The following MINDY2 variants were observed in gnomAD, a reference collection of about 807,000 sequenced individuals.
MINDY2 encodes the protein MINDY lysine 48 deubiquitinase 2, also known as ubiquitin carboxyl-terminal hydrolase MINDY-2.
Under a neutral mutation model 68.2 loss-of-function variants are expected in MINDY2, and 52 were observed. That is an observed-to-expected ratio of 0.76 (90% CI 0.61 to 0.96). The LOEUF is 0.96. Among genes scored for constraint, MINDY2 ranks in the 40% least tolerant of loss-of-function variants. The pLI, the probability that MINDY2 is intolerant of heterozygous loss-of-function variation, is 0.00. For synonymous variants in MINDY2, 372 were observed against 303.0 expected (o/e 1.23, Z -2.36); for missense variants, 881 against 773.4 (o/e 1.14, Z -1.65).
At chr15:58,831,969 T>G (rs1206093430) in intron 6 of MINDY2, 53 bp downstream of exon 6, 7 of 1,515,236 alleles carry the variant, frequency 4.6e-6, no homozygotes, top group Non-Finnish European at 6.2e-6. Context: ...AGGAGCTTGA[T>G]TTAGAGTTGT....
Position 58,859,160 on chromosome 15 carries a change from A to T in MINDY2, c.*4550A>T, listed in dbSNP as rs1419936481. The T allele has an allele frequency of 6.6e-6, 1 of 152,096 alleles. No homozygotes were observed. Among genetic ancestry groups the T allele is most frequent in the Non-Finnish European group, 1.5e-5 (1 of 67,982 alleles). The allele number at this position is 152,096 out of a possible 1,614,324, so 9.4% of individuals were successfully genotyped here. A position where few individuals can be genotyped will look rare whatever the true frequency, so the allele number is the denominator to read the frequency against. On this transcript the variant is annotated 3_prime_UTR_variant, in exon 9 of 9. Coordinates refer to ENST00000559228, the MANE Select transcript of MINDY2 (RefSeq NM_001040450.3). ...TGATCTCTTCCCAAATGCATTTTAC[A>T]GTTTTTTGTGTGTTCTATAGACTAT...
Position 58,861,087 on chromosome 15 carries a change from T to A in MINDY2, c.*6477T>A, listed in dbSNP as rs1471636687. ...AACTTCAGAGGTACCCTGAAAGTCA[T>A]TTCCTAAAGCTAGTGCGTGTGAATC... On this transcript the variant is annotated 3_prime_UTR_variant, in exon 9 of 9. Coordinates refer to ENST00000559228, the MANE Select transcript of MINDY2 (RefSeq NM_001040450.3). 1 of 152,228 alleles carries A rather than the reference T, an allele frequency of 6.6e-6. No homozygotes were observed. The highest frequency in any genetic ancestry group is 1.5e-5 in the Non-Finnish European group (1 of 68,040). The allele number at this position is 152,228 out of a possible 1,614,324, so 9.4% of individuals were successfully genotyped here. A position where few individuals can be genotyped will look rare whatever the true frequency, so the allele number is the denominator to read the frequency against.
chr15:58,844,719 C>T (rs1178220876), intron 6 of MINDY2, among the ~76,000 whole-genome samples: 1 of 151,524 alleles, frequency 6.6e-6, no homozygotes, highest in Non-Finnish European at 1.5e-5. Flanking sequence ...GAGTTCGAGA[C>T]CAGCCTGGCC....
At position 58,802,611 on chromosome 15, in the gene MINDY2, T is replaced by C. The variant is rs535276846; in HGVS notation, c.963+234T>C. On this transcript the variant is annotated intron_variant, in intron 3 of 8. Coordinates refer to ENST00000559228, the MANE Select transcript of MINDY2 (RefSeq NM_001040450.3). ...GCCAGATTTTTCCTTTTTTTCTCAT[T>C]TTTTTCTCAGTATTTTTCCTTTTTT... Among the ~76,000 whole-genome samples the C allele has an allele frequency of 8.5e-5, 13 of 152,282 alleles. No homozygotes were observed. In the East Asian group the frequency reaches 2.5e-3, roughly 29 times the overall value.
At chr15:58,799,240 T>C (rs1902476731) in intron 2 of MINDY2, among the ~76,000 whole-genome samples, 1 of 152,212 alleles carries the variant, frequency 6.6e-6, no homozygotes. Context: ...GATTACTCCA[T>C]TTCTCTGGAG....
At chr15:58,796,431 T>C (rs1229188999) in intron 2 of MINDY2, among the ~76,000 whole-genome samples, 1 of 152,220 alleles carries the variant, frequency 6.6e-6, no homozygotes. Flanking sequence ...CAAGACAGTC[T>C]TGTGAGCCAG....
At chr15:58,848,466 G>T (rs1421755564) in intron 7 of MINDY2, among the ~76,000 whole-genome samples, 2 of 152,116 alleles carry the variant, frequency 1.3e-5, no homozygotes, top group African/African-American at 4.8e-5. Context: ...TTAATTCTCC[G>T]GGTGCGGTGG....
chr15:58,820,654 C>T (rs1291382622), intron 4 of MINDY2, among the ~76,000 whole-genome samples: 3 of 152,044 alleles, frequency 2.0e-5, no homozygotes, highest in Non-Finnish European at 4.4e-5. Flanking sequence ...CGCTATGCAT[C>T]GGAATCACCT....
chr15:58,849,933 C>T (rs996099921), intron 7 of MINDY2, among the ~76,000 whole-genome samples: 2 of 152,044 alleles, frequency 1.3e-5, no homozygotes, highest in South Asian at 2.1e-4. Flanking sequence ...GGCAGGGTTT[C>T]GCCATGTTAC....
At chr15:58,834,628 A>T (rs1792049688) in intron 6 of MINDY2, among the ~76,000 whole-genome samples, 1 of 152,106 alleles carries the variant, frequency 6.6e-6, no homozygotes, top group Admixed American at 6.6e-5. Flanking sequence ...TCTAGCTGTT[A>T]TTGGCTACAT....
chr15:58,821,572 T>A, intron 4 of MINDY2, 145 bp from the exon 5 acceptor site: 3 of 334,628 alleles, frequency 9.0e-6, no homozygotes, highest in Admixed American at 5.1e-5. Flanking sequence ...TGTTGGGTGT[T>A]GATTTTAGTG....
intron 2 of MINDY2, chr15:58,795,943 A>T (rs1450119371): frequency 5.6e-6 from 2 of 360,020 alleles, no homozygotes; most frequent in Non-Finnish European, 1.1e-5. Flanking sequence ...AAGTCAAGAG[A>T]GGGTGAAGAT....
chr15:58,837,968 C>CAAAAAAAAAAAAAAAAAAAAAAAAAA (rs34909401), intron 6 of MINDY2, among the ~76,000 whole-genome samples: 1 of 75,124 alleles, frequency 1.3e-5, no homozygotes, highest in Non-Finnish European at 2.8e-5. Context: ...GACCTTCTTT[C>CAAAAAAAAAAAAAAAAAAAAAAAAAA]AAAAAAAAAA....
At chr15:58,813,935 T>C (rs1485564596) in intron 4 of MINDY2, among the ~76,000 whole-genome samples, 2 of 150,184 alleles carry the variant, frequency 1.3e-5, no homozygotes, top group Non-Finnish European at 1.5e-5. Flanking sequence ...GCATTTCTTT[T>C]TTTTTTTTTT....
At chr15:58,774,492 G>GAA (rs11385535) in intron 1 of MINDY2, among the ~76,000 whole-genome samples, 953 of 92,820 alleles carry the variant, frequency 0.01, 11 homozygotes, top group African/African-American at 0.029. Context: ...CCCAAAAAAA[G>GAA]AAAAAAAAAA....
Position 58,785,297 on chromosome 15 carries a change from A to G in MINDY2, c.841-2609A>G, listed in dbSNP as rs750385991. On this transcript the variant is annotated intron_variant, in intron 1 of 8. Transcript: ENST00000559228. ...AGTACTTTACTGGCTATGATTCAGG[A>G]AATGAATATACTACTGACTTTGCTT... is the stretch of plus-strand genomic sequence containing the variant. 6.3e-4 allele frequency among the ~76,000 whole-genome samples: 96 copies of G among 152,182 alleles called. 1 individual carries two copies. Among genetic ancestry groups the G allele is most frequent in the Admixed American group, 2.6e-4 (4 of 15,266 alleles).
chr15:58,812,750 C>A (rs530323966), intron 4 of MINDY2, among the ~76,000 whole-genome samples: 1 of 152,252 alleles, frequency 6.6e-6, no homozygotes, highest in African/African-American at 2.4e-5. Flanking sequence ...CCCAGCTATT[C>A]AGGAAGCTGA....
At position 58,861,814 on chromosome 15, in the gene MINDY2, T is replaced by C. The variant is rs879205584; in HGVS notation, c.*7204T>C. On this transcript the variant is annotated 3_prime_UTR_variant, in exon 9 of 9. Coordinates refer to ENST00000559228, the MANE Select transcript of MINDY2 (RefSeq NM_001040450.3). ...ATGTTGGCTGTTTTTGTTAATATAC[T>C]TAAAACTGTAACCAGTGAATAACAC... is the stretch of plus-strand genomic sequence containing the variant. 5 of 152,242 alleles carry C rather than the reference T, an allele frequency of 3.3e-5. No individual in the cohort carries two copies. The highest frequency in any genetic ancestry group is 2.1e-4 in the South Asian group (1 of 4,832). The allele number at this position is 152,242 out of a possible 1,614,324, so 9.4% of individuals were successfully genotyped here. A position where few individuals can be genotyped will look rare whatever the true frequency, so the allele number is the denominator to read the frequency against.
intron 2 of MINDY2, among the ~76,000 whole-genome samples, chr15:58,795,603 A>G (rs1365184432): frequency 2.6e-5 from 4 of 151,926 alleles, no homozygotes; most frequent in Non-Finnish European, 4.4e-5. Context: ...ACAGGGTTTC[A>G]CCGTGTTAGC....
Sources: allele counts gnomAD v4.1 joint callset (sites outside exome capture counted in the v4.1 genomes callset), GRCh38; gene constraint gnomAD v4.1.1; transcripts MANE v1.5; gene names NCBI Gene and HGNC (gene_info 2026-07-23, HGNC 2026-07-21).